The following CHID1 variants were observed in gnomAD, a reference collection of about 807,000 sequenced individuals.
The protein encoded by CHID1 is chitinase domain-containing protein 1.
A neutral mutation model predicts 55.4 loss-of-function variants in CHID1; 44 were observed. That is an observed-to-expected ratio of 0.79 (90% CI 0.62 to 1.02). The LOEUF is 1.02. CHID1 is among the 50% of genes least tolerant of loss of function. The pLI is 0.00. For missense variants in CHID1, 491 were observed against 515.3 expected, an observed-to-expected ratio of 0.95 and a Z score of 0.46; for synonymous variants, 216 against 212.9, an observed-to-expected ratio of 1.01 and a Z score of -0.13.
chr11:870,785 C>T lies in CHID1; in HGVS notation c.960-286G>A, dbSNP rs1849127081. The T allele has an allele frequency of 1.0e-5, 4 of 383,466 alleles. No homozygotes were observed. The South Asian group carries it at 1.2e-4, about 11-fold the overall frequency. The allele number at this position is 383,466 out of a possible 1,614,324, so 23.8% of individuals were successfully genotyped here. A position where few individuals can be genotyped will look rare whatever the true frequency, so the allele number is the denominator to read the frequency against. ...AGAGTGACACGGGGCCTGAAACTGCCTGAGCCTGAGGGTGACCCTCAGGCC... is the reference window on the plus strand; with the variant it reads ...AGAGTGACACGGGGCCTGAAACTGCTTGAGCCTGAGGGTGACCCTCAGGCC... On this transcript the variant is annotated intron_variant, in intron 10 of 12. Transcript: ENST00000323578.
intron 4 of CHID1, 93 bp from the exon 5 acceptor site, chr11:901,073 T>C (rs1201161861): frequency 4.9e-6 from 6 of 1,212,384 alleles, no homozygotes; most frequent in African/African-American, 3.1e-5. Context: ...AGCCGCACAA[T>C]ACGCAATGGG....
rs758172690 is a variant in CHID1, at chr11:883,232, C to A, written c.875G>T (p.Arg292Leu). 1 of 1,614,192 alleles carries A rather than the reference C, an allele frequency of 6.2e-7. No individual in the cohort carries two copies. The highest frequency in any genetic ancestry group is 1.1e-5 in the South Asian group (1 of 91,084). The change falls in exon 10 of 13, where the codon CGA becomes CTA. Residue 292 changes from arginine (R) to leucine (L), a missense_variant. By Grantham distance (102) the Arg-to-Leu change is moderately radical. Coordinates refer to ENST00000323578, the MANE Select transcript of CHID1 (RefSeq NM_023947.4). ...VQVLDPKSKW[R>L]SKILLGLNFY... is the part of the protein sequence containing the mutation. ...GTTGAGCCCCAGGAGGATTTTGCTTCGCCACTTGGACTTCGGGTCCAGGAC... is the reference window on the plus strand; with the variant it reads ...GTTGAGCCCCAGGAGGATTTTGCTTAGCCACTTGGACTTCGGGTCCAGGAC...
upstream of CHID1, chr11:910,912 G>C: frequency 2.2e-6 from 2 of 915,152 alleles, no homozygotes; most frequent in South Asian, 2.9e-5. Context: ...GCCAGGACAG[G>C]GGACTGGGCA....
At chr11:886,157 AG>A (rs199579907) in intron 8 of CHID1, among the ~76,000 whole-genome samples, 50,410 of 103,710 alleles carry the variant, frequency 0.49, 13,041 homozygotes, top group East Asian at 0.61. Flanking sequence ...TCTCAAAAAA[AG>A]AAAAAAAAAA....
At chr11:900,165 C>A in intron 5 of CHID1, 55 bp from the exon 6 acceptor site, 1 of 1,434,540 alleles carries the variant, frequency 7.0e-7, no homozygotes, top group Non-Finnish European at 9.8e-7. Flanking sequence ...CTGGAGGGCC[C>A]CTGCTGTTTG....
intron 5 of CHID1, 91 bp from the exon 6 acceptor site, chr11:900,201 CCT>C: frequency 1.0e-6 from 1 of 985,174 alleles, no homozygotes; most frequent in Non-Finnish European, 1.6e-6. Flanking sequence ...ATCCCCTTGG[CCT>C]CCAGAGGGAA....
rs1300213384 is a variant in CHID1 at position 899,370 on chromosome 11, A to G, written c.578T>C (p.Val193Ala). ...CTTCTGGCTTAGCAGCTGGTTCCAG[A>G]CCTCCACCACGAAGCCATCGAAATG... ...NQHFDGFVVE[V>A]WNQLLSQKRV... Residue 193 changes from valine (V) to alanine (A), a missense_variant, in exon 7 of 13, where the codon GTC becomes GCC. Physicochemically the swap from Val to Ala is moderately conservative, Grantham distance 64. Transcript: ENST00000323578. 1.7e-5 allele frequency: 27 copies of G among 1,604,706 alleles called. No individual in the cohort carries two copies. Among genetic ancestry groups the G allele is most frequent in the Non-Finnish European group, 2.2e-5 (26 of 1,175,744 alleles).
At chr11:879,386 G>A (rs1009678494) in intron 10 of CHID1, among the ~76,000 whole-genome samples, 3 of 152,238 alleles carry the variant, frequency 2.0e-5, no homozygotes, top group Non-Finnish European at 4.4e-5. Flanking sequence ...CTTTCAAGAC[G>A]TGATTAAGTT....
intron 8 of CHID1, among the ~76,000 whole-genome samples, chr11:886,548 G>C (rs535080121): frequency 7.2e-4 from 109 of 152,342 alleles, no homozygotes; most frequent in South Asian, 3.9e-3. Context: ...CTGGAGACGG[G>C]GCCTTTAGGA....
At chr11:872,845 ACTC>A (rs1849265408) in intron 10 of CHID1, among the ~76,000 whole-genome samples, 1 of 151,368 alleles carries the variant, frequency 6.6e-6, no homozygotes, top group Middle Eastern at 3.4e-3. Flanking sequence ...CACGCCACAC[ACTC>A]CTCCTCCTGG....
At chr11:895,375 G>C (rs1851185472) in intron 7 of CHID1, among the ~76,000 whole-genome samples, 1 of 152,158 alleles carries the variant, frequency 6.6e-6, no homozygotes, top group Non-Finnish European at 1.5e-5. Flanking sequence ...GTGTGGCCCA[G>C]AGCTGGCCTT....
At chr11:879,283 C>T (rs948677150) in intron 10 of CHID1, among the ~76,000 whole-genome samples, 1 of 152,180 alleles carries the variant, frequency 6.6e-6, no homozygotes, top group African/African-American at 2.4e-5. Flanking sequence ...CCATGTTGCC[C>T]AGGCTGGCCT....
chr11:889,545 G>T (rs1850649636), intron 8 of CHID1, among the ~76,000 whole-genome samples: 1 of 152,156 alleles, frequency 6.6e-6, no homozygotes, highest in African/African-American at 2.4e-5. Context: ...CAGCCACCCA[G>T]CAGGGGAGAG....
Position 904,857 on chromosome 11 carries a change from G to A in CHID1, c.-41C>T, listed in dbSNP as rs183087008. 7.3e-5 allele frequency: 118 copies of A among 1,612,866 alleles called. No individual in the cohort carries two copies. The East Asian group carries it at 2.4e-3, about 33-fold the overall frequency. On this transcript the variant is annotated splice_region_variant and 5_prime_UTR_variant, in exon 2 of 13. Transcript: ENST00000323578. The stretch of plus-strand genomic sequence containing the variant: ...GTAGGGTCCAACCTCGGGGTCCAGA[G>A]GGCTGCAGGGAAAGCAGAGCACATT...
intron 7 of CHID1, among the ~76,000 whole-genome samples, chr11:896,392 G>A (rs968916796): frequency 1.6e-5 from 2 of 124,074 alleles, no homozygotes; most frequent in Admixed American, 8.6e-5. Flanking sequence ...GCCTGTCTCA[G>A]CACCCCCAGC....
chr11:874,037 GT>G (rs1408980069), intron 10 of CHID1, among the ~76,000 whole-genome samples: 1 of 152,156 alleles, frequency 6.6e-6, no homozygotes, highest in Non-Finnish European at 1.5e-5. Context: ...GTGTGTGTGT[GT>G]GGGGGGCGTC....
chr11:910,755 C>A lies in CHID1; in HGVS notation c.-44+20G>T. 1 of 1,188,476 alleles carries A rather than the reference C, an allele frequency of 8.4e-7. No homozygotes were observed. 73.6% of individuals were successfully genotyped at this position (1,188,476 alleles called of 1,614,324 possible). ...GCCGTGCAAGGAGGAGGAGCAGGGG[C>A]CGGCCGCCGCGGGGCTCACCTGCAT... On this transcript the variant is annotated intron_variant, in intron 1 of 12. Coordinates refer to ENST00000323578, the MANE Select transcript of CHID1 (RefSeq NM_023947.4).
At chr11:879,508 G>C (rs536337352) in intron 10 of CHID1, among the ~76,000 whole-genome samples, 1 of 152,378 alleles carries the variant, frequency 6.6e-6, no homozygotes, top group South Asian at 2.1e-4. Context: ...GGAGAAGGCA[G>C]TTATCTACAA....
chr11:869,783 C>T lies in CHID1; in HGVS notation c.*75G>A. ...CCCGTCACAGCAAACGGAGTGGAGG[C>T]CTGTATTTCACACCTGCTCACTCAC... On this transcript the variant is annotated 3_prime_UTR_variant, in exon 13 of 13. Transcript: ENST00000323578. 1 of 1,306,112 alleles carries T rather than the reference C, an allele frequency of 7.7e-7. No individual in the cohort carries two copies. The highest frequency in any genetic ancestry group is 2.3e-5 in the East Asian group (1 of 43,340). The allele number at this position is 1,306,112 out of a possible 1,614,324, so 80.9% of individuals were successfully genotyped here.
Sources: allele counts gnomAD v4.1 joint callset (sites outside exome capture counted in the v4.1 genomes callset), GRCh38; gene constraint gnomAD v4.1.1; transcripts MANE v1.5; gene names NCBI Gene and HGNC (gene_info 2026-07-23, HGNC 2026-07-21).